Variants in MBOAT1 observed in about 807,000 individuals in gnomAD.
MBOAT1 encodes the protein membrane-bound glycerophospholipid O-acyltransferase 1.
A neutral mutation model predicts 64.4 loss-of-function variants in MBOAT1; 67 were observed. The ratio of observed to expected loss-of-function variants is 1.04; its 90% CI spans 0.85 to 1.27. The LOEUF (loss-of-function observed/expected upper bound fraction) is 1.27, where lower values mean the gene tolerates loss of function less well. Among genes scored for constraint, MBOAT1 ranks in the 50% most tolerant of loss-of-function variants. The pLI, the probability that MBOAT1 is intolerant of heterozygous loss-of-function variation, is 0.00. For synonymous variants in MBOAT1, 229 were observed against 218.9 expected (o/e 1.05, Z -0.41); for missense variants, 563 against 604.6 (o/e 0.93, Z 0.72).
Position 20,109,748 on chromosome 6 carries a change from A to G in MBOAT1, c.1211T>C (p.Val404Ala). Residue 404 changes from valine to alanine, a missense_variant and splice_region_variant, in exon 12 of 13, where the codon GTC (valine) becomes GCC (alanine). By Grantham distance (64) the Val-to-Ala change is moderately conservative. Coordinates refer to ENST00000324607, the MANE Select transcript of MBOAT1 (RefSeq NM_001080480.3). ...GILVTLAARA[V>A]RNNYRHYFLS... ...GAAGTAATGTCTGTAGTTGTTCCTG[A>G]CCTGCAGGCCAACACAGGCAACAGT... 1 of 1,613,024 alleles carries G rather than the reference A, an allele frequency of 6.2e-7. No homozygotes were observed. Among genetic ancestry groups the G allele is most frequent in the South Asian group, 1.1e-5 (1 of 91,054 alleles).
chr6:20,196,262 A>G (rs1762952367), intron 1 of MBOAT1, among the ~76,000 whole-genome samples: 1 of 152,220 alleles, frequency 6.6e-6, no homozygotes, highest in Non-Finnish European at 1.5e-5. Context: ...GTCTCAAAAT[A>G]TTCCCACAGA....
At chr6:20,208,694 G>T (rs1561790240) in intron 1 of MBOAT1, among the ~76,000 whole-genome samples, 1 of 149,982 alleles carries the variant, frequency 6.7e-6, no homozygotes, top group African/African-American at 2.5e-5. Flanking sequence ...CAAATTAGGG[G>T]GAAAAAAAAA....
At chr6:20,110,117 G>A (rs947688913) in intron 11 of MBOAT1, among the ~76,000 whole-genome samples, 6 of 151,470 alleles carry the variant, frequency 4.0e-5, no homozygotes, top group Admixed American at 3.3e-4. Context: ...CGCCATGTTG[G>A]CCAGGCTGGT....
At chr6:20,128,847 A>T (rs969024983) in intron 5 of MBOAT1, 94 bp from the exon 6 acceptor site, 1 of 872,484 alleles carries the variant, frequency 1.1e-6, no homozygotes, top group African/African-American at 1.7e-5. Flanking sequence ...TGAACCAGGT[A>T]ATCTTTGTTT....
chr6:20,142,441 G>A (rs1214045197), intron 4 of MBOAT1, among the ~76,000 whole-genome samples: 1 of 152,072 alleles, frequency 6.6e-6, no homozygotes, highest in African/African-American at 2.4e-5. Flanking sequence ...TACTAGCAAT[G>A]CATGTTGGGC....
At chr6:20,111,811 T>G (rs67657562) in intron 11 of MBOAT1, among the ~76,000 whole-genome samples, 7,287 of 84,536 alleles carry the variant, frequency 0.086, 454 homozygotes, top group East Asian at 0.18. Context: ...TGTTCATATA[T>G]ATACATATAT....
intron 1 of MBOAT1, among the ~76,000 whole-genome samples, chr6:20,168,630 A>AGAGGAGAGGAGAG (rs1762094972): frequency 1.6e-4 from 8 of 50,450 alleles, no homozygotes; most frequent in African/African-American, 3.7e-4. Context: ...AGAGAAGAGA[A>AGAGGAGAGGAGAG]GAGAAGAGAA....
In MBOAT1 at chr6:20,101,853, C is replaced by G. The variant is rs892333832; in HGVS notation, c.*433G>C. Among the ~76,000 whole-genome samples the G allele has an allele frequency of 6.6e-6, 1 of 152,034 alleles. No homozygotes were observed. Among genetic ancestry groups the G allele is most frequent in the Admixed American group, 6.5e-5 (1 of 15,268 alleles). The stretch of plus-strand genomic sequence containing the variant: ...ACTCCCGGCCGGGCGCGGTGGCTCA[C>G]GCCTGTAATCCCAGCACTTTGGGAG... On this transcript the variant is annotated 3_prime_UTR_variant, in exon 13 of 13. Coordinates refer to ENST00000324607, the MANE Select transcript of MBOAT1 (RefSeq NM_001080480.3).
intron 1 of MBOAT1, among the ~76,000 whole-genome samples, chr6:20,177,084 T>C (rs1762363875): frequency 6.6e-6 from 1 of 152,252 alleles, no homozygotes; most frequent in Non-Finnish European, 1.5e-5. Context: ...AAGAATGTCC[T>C]GCCTACAGTC....
At chr6:20,173,511 TGAAA>T (rs1256934143) in intron 1 of MBOAT1, among the ~76,000 whole-genome samples, 1 of 152,218 alleles carries the variant, frequency 6.6e-6, no homozygotes, top group Non-Finnish European at 1.5e-5. Flanking sequence ...GGAAAATACC[TGAAA>T]GAGTCAAAAT....
rs12527412 is a variant in MBOAT1, at chr6:20,157,319, C to A, written c.100-4550G>T. Among the ~76,000 whole-genome samples, 879 of 152,016 alleles carry A rather than the reference C, an allele frequency of 5.8e-3. 38 individuals are homozygous for A. Among genetic ancestry groups the A allele is most frequent in the Admixed American group, 0.052 (795 of 15,268 alleles). On this transcript the variant is annotated intron_variant, in intron 1 of 12. Transcript: ENST00000324607. ...TAAAAAATGGGCAGTTTATAAAGTA[C>A]CTGCCATAAAATGAAAAACATTTGA...
At chr6:20,148,926 C>T (rs1469948256) in intron 3 of MBOAT1, among the ~76,000 whole-genome samples, 1 of 151,828 alleles carries the variant, frequency 6.6e-6, no homozygotes, top group Non-Finnish European at 1.5e-5. Context: ...CATAGTGAAA[C>T]CCCGTCTCGA....
chr6:20,199,673 T>C (rs1763063510), intron 1 of MBOAT1, among the ~76,000 whole-genome samples: 1 of 152,206 alleles, frequency 6.6e-6, no homozygotes, highest in South Asian at 2.1e-4. Flanking sequence ...CTCCTTTTTG[T>C]TAAATAATGT....
At chr6:20,162,091 C>A (rs1298478865) in intron 1 of MBOAT1, among the ~76,000 whole-genome samples, 1 of 152,156 alleles carries the variant, frequency 6.6e-6, no homozygotes, top group Non-Finnish European at 1.5e-5. Context: ...TTAGGACCCA[C>A]TGTAATGACT....
chr6:20,187,470 C>G (rs1762685908), intron 1 of MBOAT1, among the ~76,000 whole-genome samples: 2 of 152,246 alleles, frequency 1.3e-5, no homozygotes, highest in South Asian at 4.1e-4. Context: ...GGGCAAGTCT[C>G]TGCTGTGGTT....
chr6:20,131,602 A>T (rs1180188275), intron 4 of MBOAT1, among the ~76,000 whole-genome samples: 1 of 152,262 alleles, frequency 6.6e-6, no homozygotes, highest in African/African-American at 2.4e-5. Flanking sequence ...TTTATTTAGC[A>T]GCATGAGAAC....
chr6:20,150,645 C>T (rs1423030469), intron 3 of MBOAT1, among the ~76,000 whole-genome samples: 12 of 150,918 alleles, frequency 8.0e-5, no homozygotes, highest in African/African-American at 2.7e-4. Context: ...CCACTGCAAC[C>T]TCTGCCTCCT....
intron 4 of MBOAT1, among the ~76,000 whole-genome samples, chr6:20,132,688 A>G (rs1760867412): frequency 6.6e-6 from 1 of 152,242 alleles, no homozygotes; most frequent in South Asian, 2.1e-4. Context: ...CAAAAGCACA[A>G]ACAATAAAAG....
At chr6:20,126,072 G>A in intron 7 of MBOAT1, among the ~76,000 whole-genome samples, 1 of 152,088 alleles carries the variant, frequency 6.6e-6, no homozygotes, top group Non-Finnish European at 1.5e-5. Flanking sequence ...CAAGCTTTAG[G>A]CATGCCAAGG....
Sources: allele counts gnomAD v4.1 joint callset (sites outside exome capture counted in the v4.1 genomes callset), GRCh38; gene constraint gnomAD v4.1.1; transcripts MANE v1.5; gene names NCBI Gene and HGNC (gene_info 2026-07-23, HGNC 2026-07-21).